Variants in PPP2R5C observed in about 807,000 individuals in gnomAD.
The protein encoded by PPP2R5C is serine/threonine-protein phosphatase 2A 56 kDa regulatory subunit gamma isoform.
Under a neutral mutation model 68.9 loss-of-function variants are expected in PPP2R5C, and 7 were observed. The observed-to-expected ratio is 0.10, with a 90% CI of 0.06 to 0.19. PPP2R5C has a LOEUF of 0.19. Ranked by LOEUF, PPP2R5C falls within the 10% of genes least tolerant of loss-of-function variation. The probability of loss-of-function intolerance (pLI) is 1.00; values close to 1 mark genes in which losing one functional copy is unlikely to be tolerated. For missense variants in PPP2R5C, 348 were observed against 641.3 expected, an observed-to-expected ratio of 0.54 and a Z score of 4.94; for synonymous variants, 210 against 222.2, an observed-to-expected ratio of 0.95 and a Z score of 0.49.
At chr14:101,846,797 A>G (rs936595630) in intron 1 of PPP2R5C, among the ~76,000 whole-genome samples, 13 of 152,130 alleles carry the variant, frequency 8.5e-5, no homozygotes, top group Admixed American at 7.2e-4. Flanking sequence ...AGAACTGCCT[A>G]CCTCTGGCTT....
At chr14:101,762,852 T>A (rs2036625671) in intron 1 of PPP2R5C, 53 bp from the exon 2 acceptor site, 2 of 1,457,222 alleles carry the variant, frequency 1.4e-6, no homozygotes, top group African/African-American at 2.8e-5. Flanking sequence ...TTATCTGATG[T>A]TTACCTGTCT....
exon 14 of PPP2R5C, chr14:101,927,955 A>C (rs2047341645): frequency 6.6e-6 from 1 of 152,144 alleles, no homozygotes; most frequent in Non-Finnish European, 1.5e-5. Context: ...CATATGGACT[A>C]AATAAAGAAC....
chr14:101,874,742 GT>G (rs926897397), intron 2 of PPP2R5C, among the ~76,000 whole-genome samples: 1 of 148,782 alleles, frequency 6.7e-6, no homozygotes. Context: ...TAAGTTGTTT[GT>G]TTTTTTTTTA....
At chr14:101,787,827 C>T (rs2038189512) in intron 3 of PPP2R5C, among the ~76,000 whole-genome samples, 1 of 150,714 alleles carries the variant, frequency 6.6e-6, no homozygotes, top group African/African-American at 2.4e-5. Flanking sequence ...TTGTATTTGG[C>T]TTATATTTGG....
chr14:101,854,042 T>C (rs1222175931), intron 1 of PPP2R5C, among the ~76,000 whole-genome samples: 2 of 152,098 alleles, frequency 1.3e-5, no homozygotes, highest in Non-Finnish European at 2.9e-5. Flanking sequence ...AGCAAAGAGG[T>C]AATTCCAAAA....
At chr14:101,800,154 T>C (rs1449526483) in intron 3 of PPP2R5C, among the ~76,000 whole-genome samples, 1 of 151,646 alleles carries the variant, frequency 6.6e-6, no homozygotes, top group African/African-American at 2.4e-5. Context: ...GAGGCTGAGG[T>C]GGGGGGATCA....
rs1358644797 is a variant in PPP2R5C, at chr14:101,899,071, T to C, written c.853-2648T>C. On this transcript the variant is annotated intron_variant, in intron 8 of 13. Transcript: ENST00000334743. This position sits in a 1 kb window ranked among gnomAD's most constrained non-coding sequence, Gnocchi z 4.2. ...AGACTGAGATATGAAGGACATGTGTTGCCCCATTTGTAGCCTGTAATTAGT... is the reference window on the plus strand; with the variant it reads ...AGACTGAGATATGAAGGACATGTGTCGCCCCATTTGTAGCCTGTAATTAGT... 6.6e-6 allele frequency among the ~76,000 whole-genome samples: 1 copy of C among 152,252 alleles called. No individual in the cohort carries two copies. The highest frequency in any genetic ancestry group is 1.5e-5 in the Non-Finnish European group (1 of 68,046).
intron 2 of PPP2R5C, among the ~76,000 whole-genome samples, chr14:101,875,571 G>A (rs1238341584): frequency 6.6e-6 from 1 of 152,186 alleles, no homozygotes; most frequent in Non-Finnish European, 1.5e-5. Context: ...CCTCCTAGGT[G>A]CCAGGCACAG....
intron 9 of PPP2R5C, among the ~76,000 whole-genome samples, chr14:101,902,893 C>T (rs546665192): frequency 6.6e-6 from 1 of 151,994 alleles, no homozygotes; most frequent in Non-Finnish European, 1.5e-5. Context: ...CAGGCTGAGT[C>T]GGGTTAAAGG....
chr14:101,856,957 C>G lies in PPP2R5C; in HGVS notation c.294+72C>G. 3 of 1,411,784 alleles carry G rather than the reference C, an allele frequency of 2.1e-6. No homozygotes were observed. The South Asian group carries it at 3.6e-5, about 17-fold the overall frequency. The allele number at this position is 1,411,784 out of a possible 1,614,324, so 87.5% of individuals were successfully genotyped here. ...ACAGGACAGGCCAAGATCTCTGAGC[C>G]TAACACAGTGCTACCCAGGAGAAGA... is the stretch of plus-strand genomic sequence containing the variant. On this transcript the variant is annotated intron_variant, in intron 2 of 13. Transcript: ENST00000334743.
chr14:101,761,467 G>T (rs1336978342), upstream of PPP2R5C, among the ~76,000 whole-genome samples: 1 of 149,806 alleles, frequency 6.7e-6, no homozygotes, highest in Non-Finnish European at 1.5e-5. Flanking sequence ...GGGACGGAGG[G>T]CGGGGGCGTG....
chr14:101,796,841 C>T (rs1433808611), intron 3 of PPP2R5C: 1 of 259,938 alleles, frequency 3.8e-6, no homozygotes, highest in Non-Finnish European at 7.7e-6. Context: ...GTCCAGCGCC[C>T]TGCTGCCTCT....
At chr14:101,893,653 G>A (rs2045111277) in intron 7 of PPP2R5C, among the ~76,000 whole-genome samples, 1 of 152,226 alleles carries the variant, frequency 6.6e-6, no homozygotes, top group South Asian at 2.1e-4. Context: ...AGGAGGCTGA[G>A]GCAGGAGAAT....
At chr14:101,800,743 C>T (rs2038829495) in intron 3 of PPP2R5C, among the ~76,000 whole-genome samples, 1 of 151,434 alleles carries the variant, frequency 6.6e-6, no homozygotes, top group African/African-American at 2.4e-5. Context: ...GAAAGAAAAT[C>T]AGTATATCAC....
upstream of PPP2R5C, among the ~76,000 whole-genome samples, chr14:101,808,620 C>A (rs2039175641): frequency 6.6e-6 from 1 of 152,204 alleles, no homozygotes; most frequent in African/African-American, 2.4e-5. Context: ...GAACTGCGAG[C>A]CCTAGCTGTA....
At chr14:101,818,256 T>G (rs186429634) in intron 1 of PPP2R5C, 1 of 152,312 alleles carries the variant, frequency 6.6e-6, no homozygotes, top group Non-Finnish European at 1.5e-5. Flanking sequence ...AATAAGAAAT[T>G]GGCATTTATA....
At chr14:101,814,956 C>T (rs1435500073) in intron 1 of PPP2R5C, among the ~76,000 whole-genome samples, 1 of 152,182 alleles carries the variant, frequency 6.6e-6, no homozygotes, top group Non-Finnish European at 1.5e-5. Flanking sequence ...CCTAGAGGGT[C>T]CAGTCCAGGG....
At chr14:101,873,347 A>ATCT (rs1382108908) in intron 2 of PPP2R5C, among the ~76,000 whole-genome samples, 1 of 152,146 alleles carries the variant, frequency 6.6e-6, no homozygotes, top group African/African-American at 2.4e-5. Context: ...TGAGTGCTAT[A>ATCT]TCTCTATTCA....
At chr14:101,791,205 C>G (rs116605939) in intron 3 of PPP2R5C, among the ~76,000 whole-genome samples, 2 of 152,230 alleles carry the variant, frequency 1.3e-5, no homozygotes, top group African/African-American at 2.4e-5. Context: ...TTGCCAATAT[C>G]TATTATTGTC....
Sources: allele counts gnomAD v4.1 joint callset (sites outside exome capture counted in the v4.1 genomes callset), GRCh38; gene constraint gnomAD v4.1.1; non-coding constraint Gnocchi (gnomAD v3.1); transcripts MANE v1.5; gene names NCBI Gene and HGNC (gene_info 2026-07-23, HGNC 2026-07-21).